TAOK3: variants seen among roughly 807,000 people sequenced by gnomAD.
TAOK3 encodes the protein TAO kinase 3.
In TAOK3, 40 loss-of-function variants were observed where a neutral mutation model predicts 120.4. That is an observed-to-expected ratio of 0.33 (90% CI 0.26 to 0.43). The LOEUF (loss-of-function observed/expected upper bound fraction) is 0.43, where lower values mean the gene tolerates loss of function less well. Ranked by LOEUF, TAOK3 falls within the 20% of genes least tolerant of loss-of-function variation. TAOK3 has a pLI of 1.00. For missense variants in TAOK3, 821 were observed against 1,112.1 expected, an observed-to-expected ratio of 0.74 and a Z score of 3.72; for synonymous variants, 355 against 387.5, an observed-to-expected ratio of 0.92 and a Z score of 0.99.
chr12:118,209,637 G>A (rs1302829864), intron 11 of TAOK3, among the ~76,000 whole-genome samples: 1 of 152,062 alleles, frequency 6.6e-6, no homozygotes, highest in Non-Finnish European at 1.5e-5. Context: ...GGCCTCAGGT[G>A]ATCTGCCTGC....
At chr12:118,274,378 A>T (rs1248117788) in intron 1 of TAOK3, among the ~76,000 whole-genome samples, 2 of 152,206 alleles carry the variant, frequency 1.3e-5, no homozygotes, top group Non-Finnish European at 2.9e-5. Context: ...CAAATAATGC[A>T]GAAGTAGCTG....
rs1355318152 is a variant in TAOK3 at position 118,161,049 on chromosome 12, C to T, written c.2140-691G>A. On this transcript the variant is annotated intron_variant, in intron 18 of 20. Transcript: ENST00000392533. The surrounding 1 kb of genome is among the most constrained non-coding windows in gnomAD (Gnocchi z 4.5). ...GCCCAGAAGGCATTCCATCAGGTTG[C>T]CCCACAGTCATGTGTGCACTTCACG... Among the ~76,000 whole-genome samples the T allele has an allele frequency of 6.6e-6, 1 of 152,196 alleles. No individual in the cohort carries two copies. Among genetic ancestry groups the T allele is most frequent in the Non-Finnish European group, 1.5e-5 (1 of 68,042 alleles).
intron 19 of TAOK3, among the ~76,000 whole-genome samples, chr12:118,159,332 A>C (rs1457578625): frequency 1.4e-5 from 2 of 145,244 alleles, no homozygotes; most frequent in Non-Finnish European, 3.0e-5. Context: ...TTTTTTTGAG[A>C]CAGAGTCTTG....
chr12:118,195,343 C>T (rs1351964731), intron 13 of TAOK3, among the ~76,000 whole-genome samples: 2 of 152,146 alleles, frequency 1.3e-5, no homozygotes, highest in Non-Finnish European at 2.9e-5. Context: ...AAAAGACAGA[C>T]TTTGCTGCTT....
At chr12:118,202,595 T>G (rs1211674129) in intron 11 of TAOK3, among the ~76,000 whole-genome samples, 1 of 152,134 alleles carries the variant, frequency 6.6e-6, no homozygotes, top group Non-Finnish European at 1.5e-5. Flanking sequence ...GTGGTTTTCA[T>G]TTCCATTTCC....
chr12:118,352,517 A>AG (rs1451911869), intron 1 of TAOK3, among the ~76,000 whole-genome samples: 1 of 151,856 alleles, frequency 6.6e-6, no homozygotes, highest in Non-Finnish European at 1.5e-5. Flanking sequence ...AAAAAAAAAA[A>AG]TCATATATAT....
intron 1 of TAOK3, among the ~76,000 whole-genome samples, chr12:118,307,542 T>A (rs994942183): frequency 1.3e-5 from 2 of 152,194 alleles, no homozygotes; most frequent in Non-Finnish European, 2.9e-5. Flanking sequence ...CATTCAGTTA[T>A]TAGGTCGCAA....
At chr12:118,339,275 C>CTTTTTTTTTT (rs72009582) in intron 1 of TAOK3, among the ~76,000 whole-genome samples, 1 of 86,924 alleles carries the variant, frequency 1.2e-5, no homozygotes, top group African/African-American at 5.0e-5. Flanking sequence ...CTTCATCATA[C>CTTTTTTTTTT]TTTTTTTTTT....
intron 13 of TAOK3, among the ~76,000 whole-genome samples, chr12:118,193,167 C>T (rs901738498): frequency 2.0e-5 from 3 of 150,430 alleles, no homozygotes; most frequent in Admixed American, 6.7e-5. Flanking sequence ...TGTGCCTCAG[C>T]CTCCTGAGTA....
At chr12:118,219,770 C>CTTTTTTTT (rs35568926) in intron 9 of TAOK3, among the ~76,000 whole-genome samples, 1 of 58,836 alleles carries the variant, frequency 1.7e-5, no homozygotes, top group Non-Finnish European at 2.9e-5. Context: ...ACTTTTTTGG[C>CTTTTTTTT]TTTTTTTTTT....
Position 118,207,858 on chromosome 12 carries a change from TCA to T in TAOK3, c.819+5054_819+5055del, listed in dbSNP as rs55978716. Among the ~76,000 whole-genome samples, 1,410 of 144,378 alleles carry T rather than the reference TCA, an allele frequency of 9.8e-3. 19 individuals carry two copies. Among genetic ancestry groups the T allele is most frequent in the African/African-American group, 0.033 (1,302 of 38,944 alleles). The allele number at this position is 144,378 out of a possible 152,430, so 94.7% of individuals were successfully genotyped here. A position where few individuals can be genotyped will look rare whatever the true frequency, so the allele number is the denominator to read the frequency against. ...CTGGGCAACGGCGCGAGACTCTGTC[TCA>T]CACACACACACACACACACACACAC... On this transcript the variant is annotated intron_variant, in intron 11 of 20. Coordinates refer to ENST00000392533, the MANE Select transcript of TAOK3 (RefSeq NM_016281.4).
chr12:118,241,494 C>T (rs899065399), intron 5 of TAOK3, among the ~76,000 whole-genome samples: 2 of 152,116 alleles, frequency 1.3e-5, no homozygotes, highest in Non-Finnish European at 1.5e-5. Flanking sequence ...ATGTTTCTAG[C>T]TGCATTAAAT....
intron 9 of TAOK3, among the ~76,000 whole-genome samples, chr12:118,217,305 T>A (rs1208954448): frequency 6.6e-6 from 1 of 152,198 alleles, no homozygotes; most frequent in African/African-American, 2.4e-5. Context: ...TAGTAGCACT[T>A]AAGCAGATGA....
intron 1 of TAOK3, among the ~76,000 whole-genome samples, chr12:118,267,924 C>G (rs2041528475): frequency 6.6e-6 from 1 of 151,020 alleles, no homozygotes; most frequent in South Asian, 2.1e-4. Flanking sequence ...AATCCATAAT[C>G]CTATCCAGGC....
chr12:118,241,933 A>T (rs2040269166), intron 5 of TAOK3, among the ~76,000 whole-genome samples: 1 of 152,064 alleles, frequency 6.6e-6, no homozygotes, highest in African/African-American at 2.4e-5. Context: ...CAACATGGAG[A>T]AACCCCGTCT....
At chr12:118,229,233 T>A (rs1388789910) in intron 9 of TAOK3, among the ~76,000 whole-genome samples, 7 of 151,998 alleles carry the variant, frequency 4.6e-5, no homozygotes, top group African/African-American at 1.7e-4. Flanking sequence ...CCCTAGTAGC[T>A]GGGATTATAG....
At chr12:118,326,396 C>G (rs761112502) in intron 1 of TAOK3, among the ~76,000 whole-genome samples, 1 of 152,082 alleles carries the variant, frequency 6.6e-6, no homozygotes, top group South Asian at 2.1e-4. Flanking sequence ...TGGTTACTAT[C>G]GTTCTGTAGT....
chr12:118,231,248 A>G lies in TAOK3; in HGVS notation c.643+2426T>C, dbSNP rs561105280. On this transcript the variant is annotated intron_variant, in intron 9 of 20. Transcript: ENST00000392533. ...GGCAGGGGTGGTGTAGGAACTGTGT[A>G]GATAGGGCAGGGGTGGAAGAAGATC... Among the ~76,000 whole-genome samples the G allele has an allele frequency of 3.3e-5, 5 of 152,226 alleles. No homozygotes were observed. The East Asian group carries it at 9.7e-4, about 29-fold the overall frequency.
chr12:118,265,644 T>C (rs895310412), intron 2 of TAOK3, among the ~76,000 whole-genome samples: 2 of 152,154 alleles, frequency 1.3e-5, no homozygotes, highest in Admixed American at 6.6e-5. Flanking sequence ...GGGGTAAGGG[T>C]ATAAGAAAAT....
Sources: allele counts gnomAD v4.1 joint callset (sites outside exome capture counted in the v4.1 genomes callset), GRCh38; gene constraint gnomAD v4.1.1; non-coding constraint Gnocchi (gnomAD v3.1); transcripts MANE v1.5; gene names NCBI Gene and HGNC (gene_info 2026-07-23, HGNC 2026-07-21).